Variants in SYN3 observed in about 807,000 individuals in gnomAD.
The protein encoded by SYN3 is synapsin-3.
A neutral mutation model predicts 65.8 loss-of-function variants in SYN3; 35 were observed. The ratio of observed to expected loss-of-function variants is 0.53; its 90% CI spans 0.41 to 0.70. The LOEUF is 0.70. Ranked by LOEUF, SYN3 falls within the 30% of genes least tolerant of loss-of-function variation. The pLI is 0.00. For missense variants in SYN3, 680 were observed against 749.0 expected, an observed-to-expected ratio of 0.91 and a Z score of 1.08; for synonymous variants, 270 against 292.9, an observed-to-expected ratio of 0.92 and a Z score of 0.80.
At chr22:32,526,548 C>T (rs2057979712) in intron 12 of SYN3, among the ~76,000 whole-genome samples, 1 of 152,010 alleles carries the variant, frequency 6.6e-6, no homozygotes, top group South Asian at 2.1e-4. Context: ...TGGAATCTCC[C>T]TCTATCGCCC....
chr22:32,664,385 A>T (rs1202424963), intron 6 of SYN3, among the ~76,000 whole-genome samples: 1 of 152,124 alleles, frequency 6.6e-6, no homozygotes, highest in African/African-American at 2.4e-5. Flanking sequence ...TTTTCAGGGG[A>T]AAATCTAGTG....
At chr22:32,568,186 A>G (rs974018283) in intron 7 of SYN3, among the ~76,000 whole-genome samples, 2 of 152,084 alleles carry the variant, frequency 1.3e-5, no homozygotes, top group African/African-American at 2.4e-5. Context: ...GGCTCCCTGT[A>G]CCTTTGCTCT....
intron 7 of SYN3, among the ~76,000 whole-genome samples, chr22:32,569,872 G>A (rs1444580873): frequency 1.3e-5 from 2 of 152,160 alleles, no homozygotes; most frequent in South Asian, 2.1e-4. Flanking sequence ...ACAAAGCAAC[G>A]AATGTTAGCT....
intron 6 of SYN3, among the ~76,000 whole-genome samples, chr22:32,732,271 G>A (rs1197048187): frequency 5.9e-5 from 9 of 152,164 alleles, no homozygotes; most frequent in African/African-American, 1.4e-4. Flanking sequence ...GACAGTGCCC[G>A]ACACACAGCA....
At chr22:32,643,560 G>GGGGGA (rs2059936180) in intron 6 of SYN3, among the ~76,000 whole-genome samples, 1 of 126,526 alleles carries the variant, frequency 7.9e-6, no homozygotes, top group Non-Finnish European at 1.7e-5. Flanking sequence ...GGGGGGGCGG[G>GGGGGA]GGGGGCAGAA....
At chr22:32,821,603 T>C (rs573076082) in intron 6 of SYN3, among the ~76,000 whole-genome samples, 1 of 152,306 alleles carries the variant, frequency 6.6e-6, no homozygotes, top group Non-Finnish European at 1.5e-5. Flanking sequence ...TGATCTCAGC[T>C]GAGGGGCAAG....
chr22:32,781,262 C>T (rs1328804330), intron 6 of SYN3, among the ~76,000 whole-genome samples: 1 of 152,104 alleles, frequency 6.6e-6, no homozygotes, highest in Non-Finnish European at 1.5e-5. Flanking sequence ...GGAATTCACT[C>T]TTATCTGACT....
At chr22:32,874,225 C>A (rs568542442) in intron 4 of SYN3, among the ~76,000 whole-genome samples, 2 of 152,342 alleles carry the variant, frequency 1.3e-5, no homozygotes, top group African/African-American at 4.8e-5. Context: ...AGCCCAAGAC[C>A]TGGGTCTCTC....
chr22:32,702,432 C>T lies in SYN3; in HGVS notation c.712-105696G>A, dbSNP rs189035265. ...GGCGGAGCTTGCAGTGAGCCGAGATCGCACTCCAGCCTGGGCCACAGAGTG... is the reference window on the plus strand; with the variant it reads ...GGCGGAGCTTGCAGTGAGCCGAGATTGCACTCCAGCCTGGGCCACAGAGTG... On this transcript the variant is annotated intron_variant, in intron 6 of 13. Coordinates refer to ENST00000358763, the MANE Select transcript of SYN3 (RefSeq NM_003490.4). 1.9e-3 allele frequency among the ~76,000 whole-genome samples: 292 copies of T among 152,242 alleles called. 2 individuals are homozygous for T. Among genetic ancestry groups the T allele is most frequent in the African/African-American group, 6.7e-3 (279 of 41,550 alleles).
At chr22:32,701,185 C>T (rs1417376999) in intron 6 of SYN3, among the ~76,000 whole-genome samples, 2 of 152,222 alleles carry the variant, frequency 1.3e-5, no homozygotes, top group African/African-American at 4.8e-5. Flanking sequence ...GAAACACACA[C>T]AGTTGATTGA....
chr22:32,983,191 A>T (rs181602637), intron 2 of SYN3, among the ~76,000 whole-genome samples: 3 of 152,218 alleles, frequency 2.0e-5, no homozygotes, highest in East Asian at 3.9e-4. Flanking sequence ...CCTAATACTC[A>T]TTCTCCCCTT....
At chr22:32,884,596 G>A (rs935889864) in intron 4 of SYN3, among the ~76,000 whole-genome samples, 11 of 152,110 alleles carry the variant, frequency 7.2e-5, no homozygotes, top group South Asian at 2.1e-4. Flanking sequence ...AAATCATTTC[G>A]TGGCCGGGTG....
chr22:32,881,099 G>T (rs2049121739), intron 4 of SYN3, among the ~76,000 whole-genome samples: 1 of 152,054 alleles, frequency 6.6e-6, no homozygotes, highest in African/African-American at 2.4e-5. Context: ...CGGGCCTCCT[G>T]CCAGGCTGCT....
intron 3 of SYN3, among the ~76,000 whole-genome samples, chr22:32,979,199 A>AAAAAAG (rs1181107285): frequency 6.6e-6 from 1 of 151,424 alleles, no homozygotes; most frequent in Non-Finnish European, 1.5e-5. Context: ...AAAAAAAAAA[A>AAAAAAG]AAAAGAAAGA....
At chr22:32,931,555 T>C in intron 3 of SYN3, 74 bp from the exon 4 acceptor site, 1 of 981,578 alleles carries the variant, frequency 1.0e-6, no homozygotes, top group Non-Finnish European at 1.6e-6. Context: ...ACATATTGGG[T>C]ACTTAGAGGT....
intron 1 of SYN3, among the ~76,000 whole-genome samples, chr22:33,007,936 T>C (rs2053239259): frequency 8.0e-6 from 1 of 124,384 alleles, no homozygotes; most frequent in Admixed American, 8.6e-5. Flanking sequence ...GATTATTATA[T>C]ACAATTTTTT....
intron 6 of SYN3, among the ~76,000 whole-genome samples, chr22:32,662,080 G>A (rs1410337800): frequency 6.6e-6 from 1 of 152,130 alleles, no homozygotes; most frequent in South Asian, 2.1e-4. Context: ...GTGGGGACAC[G>A]TGCAAAATCT....
chr22:32,777,602 C>T lies in SYN3; in HGVS notation c.711+87313G>A, dbSNP rs73156493. ...CTGAGCTTCCTGAGCTCCTGTGTGT[C>T]GGGTACCGTGCTAGACACTGGGATA... On this transcript the variant is annotated intron_variant, in intron 6 of 13. Coordinates refer to ENST00000358763, the MANE Select transcript of SYN3 (RefSeq NM_003490.4). Among the ~76,000 whole-genome samples, 535 of 152,208 alleles carry T rather than the reference C, an allele frequency of 3.5e-3. 4 individuals carry two copies. Among genetic ancestry groups the T allele is most frequent in the South Asian group, 5.0e-3 (24 of 4,818 alleles).
At chr22:32,914,608 T>C (rs1477468791) in intron 4 of SYN3, among the ~76,000 whole-genome samples, 2 of 151,842 alleles carry the variant, frequency 1.3e-5, no homozygotes, top group Admixed American at 6.6e-5. Flanking sequence ...CGGCTAATTT[T>C]TTTTTTTGTA....
Sources: allele counts gnomAD v4.1 joint callset (sites outside exome capture counted in the v4.1 genomes callset), GRCh38; gene constraint gnomAD v4.1.1; transcripts MANE v1.5; gene names NCBI Gene and HGNC (gene_info 2026-07-23, HGNC 2026-07-21).